Variants in RABGAP1L observed in about 807,000 individuals in gnomAD.
RABGAP1L encodes the protein rab GTPase-activating protein 1-like.
In RABGAP1L, 63 loss-of-function variants were observed where a neutral mutation model predicts 137.7. That is an observed-to-expected ratio of 0.46 (90% CI 0.37 to 0.56). The LOEUF (loss-of-function observed/expected upper bound fraction) is 0.56. Ranked by LOEUF, RABGAP1L falls within the 20% of genes least tolerant of loss-of-function variation. RABGAP1L has a pLI of 0.00. For missense variants in RABGAP1L, 1,095 were observed against 1,244.0 expected (o/e 0.88, Z 1.80); for synonymous variants, 431 against 433.7 (o/e 0.99, Z 0.08).
intron 19 of RABGAP1L, among the ~76,000 whole-genome samples, chr1:174,954,779 C>T (rs1318376676): frequency 1.3e-5 from 2 of 152,164 alleles, no homozygotes; most frequent in African/African-American, 4.8e-5. Flanking sequence ...ATACCTTTAG[C>T]TGCTCCCCTT....
rs995157153 is a variant in RABGAP1L at position 174,548,545 on chromosome 1, A to T, written c.1711-88830A>T. 25 of 975,160 alleles carry T rather than the reference A, an allele frequency of 2.6e-5. No homozygotes were observed. In the African/African-American group the frequency reaches 4.0e-4, roughly 16 times the overall value. 60.4% of individuals were successfully genotyped at this position (975,160 alleles called of 1,614,324 possible). ...TATTCTGTAAGTTTTTCAAAACAGT[A>T]AAATCACTATTTTTCATCTTTTTGT... On this transcript the variant is annotated intron_variant, in intron 13 of 25. Coordinates refer to ENST00000681986, the MANE Select transcript of RABGAP1L (RefSeq NM_001366446.1).
chr1:174,328,039 C>T (rs1412327478), intron 11 of RABGAP1L, among the ~76,000 whole-genome samples: 1 of 125,190 alleles, frequency 8.0e-6, no homozygotes, highest in Non-Finnish European at 1.6e-5. Flanking sequence ...AACATCAGAG[C>T]ACTTAAATAT....
intron 13 of RABGAP1L, among the ~76,000 whole-genome samples, chr1:174,603,926 G>A (rs939238866): frequency 6.6e-6 from 1 of 151,584 alleles, no homozygotes; most frequent in Non-Finnish European, 1.5e-5. Context: ...CTAATTGCAA[G>A]ACAAAGTCCT....
At chr1:174,398,394 TG>T (rs1648138425) in intron 13 of RABGAP1L, among the ~76,000 whole-genome samples, 1 of 152,128 alleles carries the variant, frequency 6.6e-6, no homozygotes. Flanking sequence ...CTTTGTGGCT[TG>T]GCCAGCCTAC....
At chr1:174,664,697 TTCTC>T (rs1277384139) in intron 14 of RABGAP1L, among the ~76,000 whole-genome samples, 1 of 149,522 alleles carries the variant, frequency 6.7e-6, no homozygotes, top group Non-Finnish European at 1.5e-5. Context: ...TTATGGTTCT[TTCTC>T]TCTCTCTCTC....
intron 11 of RABGAP1L, among the ~76,000 whole-genome samples, chr1:174,311,832 C>A (rs1678884059): frequency 6.6e-6 from 1 of 152,198 alleles, no homozygotes; most frequent in Non-Finnish European, 1.5e-5. Context: ...GTCTCAAACT[C>A]CTGACCTCAG....
chr1:174,764,124 G>A lies in RABGAP1L; in HGVS notation c.2211+11770G>A, dbSNP rs193265463. Among the ~76,000 whole-genome samples, 359 of 152,116 alleles carry A rather than the reference G, an allele frequency of 2.4e-3. 1 individual carries two copies. Among genetic ancestry groups the A allele is most frequent in the Middle Eastern group, 3.4e-3 (1 of 294 alleles). ...AATGTTTTCAACGTTTATCCATGTC[G>A]TAGCATATATCAGTTCTTAATTCCT... is the stretch of plus-strand genomic sequence containing the variant. On this transcript the variant is annotated intron_variant, in intron 18 of 25. Transcript: ENST00000681986.
At chr1:174,569,563 T>G (rs1474575) in intron 13 of RABGAP1L, among the ~76,000 whole-genome samples, 53,576 of 151,980 alleles carry the variant, frequency 0.35, 12,076 homozygotes, top group African/African-American at 0.64. Context: ...CTGACACGAA[T>G]CCTTACTAAC....
intron 24 of RABGAP1L, among the ~76,000 whole-genome samples, chr1:174,987,966 T>C (rs1008052454): frequency 2.6e-5 from 4 of 152,070 alleles, no homozygotes; most frequent in African/African-American, 7.2e-5. Flanking sequence ...TGTGCCACCA[T>C]GCCTGGCTAA....
intron 3 of RABGAP1L, among the ~76,000 whole-genome samples, chr1:174,230,236 G>A (rs186702326): frequency 4.0e-5 from 6 of 148,952 alleles, no homozygotes; most frequent in Non-Finnish European, 7.4e-5. Flanking sequence ...ATCACACACC[G>A]GGGCATGTTG....
intron 13 of RABGAP1L, among the ~76,000 whole-genome samples, chr1:174,445,397 C>A (rs1654629644): frequency 6.6e-6 from 1 of 151,792 alleles, no homozygotes; most frequent in Admixed American, 6.6e-5. Context: ...CCTTTTTTTT[C>A]ATATTAGGAT....
intron 12 of RABGAP1L, among the ~76,000 whole-genome samples, chr1:174,386,414 CAA>C (rs1338723539): frequency 1.3e-5 from 2 of 152,024 alleles, no homozygotes; most frequent in Non-Finnish European, 2.9e-5. Context: ...ATGATCATAT[CAA>C]GTAAATGACA....
At chr1:174,258,635 A>G (rs1396843400) in intron 7 of RABGAP1L, among the ~76,000 whole-genome samples, 1 of 152,166 alleles carries the variant, frequency 6.6e-6, no homozygotes, top group Non-Finnish European at 1.5e-5. Flanking sequence ...GACAAAGTTA[A>G]TTTGTAATAT....
chr1:174,347,221 G>A (rs1682514341), intron 11 of RABGAP1L, among the ~76,000 whole-genome samples: 1 of 152,132 alleles, frequency 6.6e-6, no homozygotes, highest in Non-Finnish European at 1.5e-5. Context: ...ACAAATGTCT[G>A]TTAGGTCTAT....
intron 13 of RABGAP1L, among the ~76,000 whole-genome samples, chr1:174,525,594 A>T (rs912013084): frequency 9.9e-5 from 15 of 152,116 alleles, no homozygotes; most frequent in African/African-American, 3.1e-4. Flanking sequence ...AGAGAGGGAC[A>T]ATTTGACTTC....
chr1:174,620,821 C>T (rs536422489), intron 13 of RABGAP1L, among the ~76,000 whole-genome samples: 23 of 152,138 alleles, frequency 1.5e-4, no homozygotes, highest in African/African-American at 4.8e-4. Context: ...ACAAAAAACC[C>T]TTCAAAAAAT....
In RABGAP1L at chr1:174,829,002, A is replaced by G. The variant is rs974278845; in HGVS notation, c.2340+17042A>G. On this transcript the variant is annotated intron_variant, in intron 19 of 25. Transcript: ENST00000681986. ...GATTGCTATCAAGATTATAAATAGG[A>G]TAATATAAATAAGAAACTTGGCACA... Among the ~76,000 whole-genome samples the G allele has an allele frequency of 3.4e-5, 5 of 148,102 alleles. 1 individual carries two copies. Among genetic ancestry groups the G allele is most frequent in the Admixed American group, 6.7e-5 (1 of 14,820 alleles).
intron 11 of RABGAP1L, among the ~76,000 whole-genome samples, chr1:174,370,007 T>C (rs1669501058): frequency 6.6e-6 from 1 of 152,232 alleles, no homozygotes; most frequent in African/African-American, 2.4e-5. Flanking sequence ...ATTACATTAA[T>C]GTTTTCTGAT....
Position 174,721,284 on chromosome 1 carries a change from G to A in RABGAP1L, c.2169+19028G>A, listed in dbSNP as rs141638387. ...GCCATACATAGAAGCATGAAATGGT[G>A]TACTTTTTCATTTCTTTGAATTTGT... On this transcript the variant is annotated intron_variant, in intron 17 of 25. Transcript: ENST00000681986. 7.9e-5 allele frequency among the ~76,000 whole-genome samples: 12 copies of A among 152,332 alleles called. No individual in the cohort carries two copies. In the East Asian group the frequency reaches 2.1e-3, roughly 27 times the overall value.
Sources: gnomAD v4.1 joint callset for allele counts (sites outside exome capture counted in the v4.1 genomes callset) on GRCh38, gnomAD v4.1.1 for gene constraint, MANE v1.5 for transcripts, NCBI Gene and HGNC (gene_info 2026-07-23, HGNC 2026-07-21) for gene names.